The following RBFA variants were observed in gnomAD, a reference collection of about 807,000 sequenced individuals.
RBFA encodes the protein ribosome binding factor A.
RBFA carries 16 observed loss-of-function variants against 27.9 expected under a neutral mutation model. The observed-to-expected ratio is 0.57, with a 90% CI of 0.39 to 0.87. RBFA has a LOEUF of 0.87. Ranked by LOEUF, RBFA falls within the 40% of genes least tolerant of loss-of-function variation. The pLI, the probability that RBFA is intolerant of heterozygous loss-of-function variation, is 0.00. For missense variants in RBFA, 456 were observed against 432.1 expected (o/e 1.06, Z -0.49); for synonymous variants, 181 against 181.0 (o/e 1.00, Z 0.00).
At chr18:80,044,112 A>G in intron 5 of RBFA, 100 bp from the exon 6 acceptor site, 1 of 973,472 alleles carries the variant, frequency 1.0e-6, no homozygotes, top group Non-Finnish European at 1.7e-6. Flanking sequence ...AGTCTGATCA[A>G]AAGCTCTGCA....
chr18:80,042,160 C>T lies in RBFA; in HGVS notation c.517C>T (p.Leu173=). 1 of 1,611,192 alleles carries T rather than the reference C, an allele frequency of 6.2e-7. No individual in the cohort carries two copies. Among genetic ancestry groups the T allele is most frequent in the South Asian group, 1.1e-5 (1 of 90,842 alleles). ...GCACCTTTTGATGTCCCAGCAGACC[C>T]TGAGGAATGTGCCACCGATAGTGTT... ...MRHLLMSQQT[L]RNVPPIVFVQ... Residue 173 remains leucine, a synonymous_variant, in exon 5 of 7, where the codon CTG becomes TTG. Coordinates refer to ENST00000306735, the MANE Select transcript of RBFA (RefSeq NM_024805.3).
chr18:80,049,645 C>T lies in RBFA; in HGVS notation c.*3490C>T, dbSNP rs932371914. On this transcript the variant is annotated 3_prime_UTR_variant, in exon 7 of 7. Coordinates refer to ENST00000306735, the MANE Select transcript of RBFA (RefSeq NM_024805.3). ...TCAATGGTTCTCAAAGTTCCGGGCA[C>T]ATCCCCTGGGGGCTCATAAAACCAG... 3.3e-5 allele frequency among the ~76,000 whole-genome samples: 5 copies of T among 152,268 alleles called. No individual in the cohort carries two copies. Among genetic ancestry groups the T allele is most frequent in the African/African-American group, 7.2e-5 (3 of 41,480 alleles).
intron 3 of RBFA, among the ~76,000 whole-genome samples, chr18:80,037,810 A>T (rs912075579): frequency 1.3e-5 from 2 of 150,714 alleles, no homozygotes; most frequent in African/African-American, 4.9e-5. Flanking sequence ...AATCGCTTGA[A>T]CCCAGGAGGC....
chr18:80,049,644 A>G lies in RBFA; in HGVS notation c.*3489A>G, dbSNP rs1426075794. ...GTCAATGGTTCTCAAAGTTCCGGGC[A>G]CATCCCCTGGGGGCTCATAAAACCA... On this transcript the variant is annotated 3_prime_UTR_variant, in exon 7 of 7. Coordinates refer to ENST00000306735, the MANE Select transcript of RBFA (RefSeq NM_024805.3). Among the ~76,000 whole-genome samples the G allele has an allele frequency of 6.6e-6, 1 of 152,238 alleles. No individual in the cohort carries two copies. The highest frequency in any genetic ancestry group is 1.5e-5 in the Non-Finnish European group (1 of 68,036).
chr18:80,037,523 AAG>A lies in RBFA; in HGVS notation c.378+21_378+22del, dbSNP rs2051988748. The A allele has an allele frequency of 6.3e-7, 1 of 1,591,876 alleles. No homozygotes were observed. The highest frequency in any genetic ancestry group is 8.6e-7 in the Non-Finnish European group (1 of 1,163,288). The stretch of plus-strand genomic sequence containing the variant: ...CTCTCCAAGGTAGGCTGTGTGGCCA[AAG>A]AGAAGAAATGGGTTGAGACAGCAGG... On this transcript the variant is annotated intron_variant, in intron 3 of 6. Coordinates refer to ENST00000306735, the MANE Select transcript of RBFA (RefSeq NM_024805.3).
chr18:80,042,019 C>T (rs1001105098), intron 4 of RBFA, 116 bp from the exon 5 acceptor site: 6 of 605,964 alleles, frequency 9.9e-6, no homozygotes, highest in Non-Finnish European at 1.5e-5. Flanking sequence ...AGCCACCGCG[C>T]CCGGCCTCTC....
At chr18:80,044,027 A>G (rs1326185874) in intron 5 of RBFA, among the ~76,000 whole-genome samples, 185 bp from the exon 6 acceptor site, 1 of 152,252 alleles carries the variant, frequency 6.6e-6, no homozygotes, top group African/African-American at 2.4e-5. Flanking sequence ...TTAAAGTAAC[A>G]GTAAGGTATT....
chr18:80,045,138 G>A (rs1044810393), intron 6 of RBFA, among the ~76,000 whole-genome samples: 1 of 152,180 alleles, frequency 6.6e-6, no homozygotes, highest in Non-Finnish European at 1.5e-5. Context: ...GAAGGCGAAT[G>A]AGTGGCAGGT....
At chr18:80,045,428 T>C (rs2052044422) in intron 6 of RBFA, among the ~76,000 whole-genome samples, 2 of 152,116 alleles carry the variant, frequency 1.3e-5, no homozygotes, top group Admixed American at 1.3e-4. Context: ...GGTTTCACCA[T>C]GTTGGCCAGG....
intron 1 of RBFA, 148 bp downstream of exon 1, chr18:80,034,801 T>C: frequency 1.1e-6 from 1 of 906,138 alleles, no homozygotes; most frequent in South Asian, 1.8e-5. Flanking sequence ...GTTCTAGCTC[T>C]CACTGTCAGC....
chr18:80,044,134 T>C, intron 5 of RBFA, 78 bp from the exon 6 acceptor site: 1 of 1,156,976 alleles, frequency 8.6e-7, no homozygotes, highest in Non-Finnish European at 1.3e-6. Context: ...TCAACAATGC[T>C]GGTGTTACGT....
At chr18:80,037,969 T>C (rs571387321) in intron 3 of RBFA, among the ~76,000 whole-genome samples, 33 of 152,216 alleles carry the variant, frequency 2.2e-4, no homozygotes, top group African/African-American at 7.5e-4. Flanking sequence ...AGTCTGGTCA[T>C]TGGAGCCCTG....
At position 80,034,523 on chromosome 18, in the gene RBFA, C is replaced by T. The variant is rs752729658; in HGVS notation, c.28C>T (p.Arg10Cys). The change falls in exon 1 of 7, where the codon CGC becomes TGC. Residue 10 changes from arginine to cysteine, a missense_variant. Transcript: ENST00000306735. MWAAAGGLW[R>C]SRAGLRALFR... ...GTGGGCTGCGGCGGGCGGGCTGTGG[C>T]GCTCCCGCGCGGGTCTCCGGGCCCT... 1.3e-6 allele frequency: 2 copies of T among 1,585,678 alleles called. No homozygotes were observed. The highest frequency in any genetic ancestry group is 4.8e-5 in the East Asian group (2 of 41,254).
intron 4 of RBFA, among the ~76,000 whole-genome samples, chr18:80,039,341 T>A (rs1281859020): frequency 1.3e-5 from 2 of 152,158 alleles, no homozygotes; most frequent in Non-Finnish European, 2.9e-5. Flanking sequence ...AAAGAAAAAT[T>A]AAAAAATCCG....
At chr18:80,040,817 A>G (rs1318593982) in intron 4 of RBFA, among the ~76,000 whole-genome samples, 1 of 152,228 alleles carries the variant, frequency 6.6e-6, no homozygotes, top group Admixed American at 6.5e-5. Flanking sequence ...GATAGAACCC[A>G]CATAAACAAA....
rs563835914 is a variant in RBFA at position 80,041,080 on chromosome 18, C to T, written c.492-1055C>T. ...AGAAAAGGTGGCCGTGTGTGGGCTT[C>T]GTTCCAGGCACCCTGCCTGGCTTCC... On this transcript the variant is annotated intron_variant, in intron 4 of 6. Transcript: ENST00000306735. Among the ~76,000 whole-genome samples the T allele has an allele frequency of 2.0e-5, 3 of 152,320 alleles. No homozygotes were observed. In the South Asian group the frequency reaches 6.2e-4, roughly 32 times the overall value.
intron 1 of RBFA, 52 bp downstream of exon 1, chr18:80,034,705 G>GTCCCCGGGTTGCGGTA: frequency 1.3e-6 from 2 of 1,585,428 alleles, no homozygotes; most frequent in Middle Eastern, 1.7e-4. Context: ...AGGGGGCGGT[G>GTCCCCGGGTTGCGGTA]TCCCCGGGTT....
chr18:80,036,673 A>C lies in RBFA; in HGVS notation c.164A>C (p.Lys55Thr), dbSNP rs1212044283. 1 of 1,611,740 alleles carries C rather than the reference A, an allele frequency of 6.2e-7. No homozygotes were observed. Among genetic ancestry groups the C allele is most frequent in the Admixed American group, 1.7e-5 (1 of 59,922 alleles). The change falls in exon 2 of 7, where the codon AAG becomes ACG. Residue 55 changes from lysine to threonine, a missense_variant. Transcript: ENST00000306735. Reference protein sequence around the residue: ...LKKFASKTKKKVWYESPSLGS... With the variant: ...LKKFASKTKKTVWYESPSLGS... ...TGCTTATTTTCTCCCCAAAGAAAAA[A>C]GGTTTGGTATGAAAGTCCTTCCTTG...
In RBFA at chr18:80,049,491, A is replaced by G. The variant is rs540496042; in HGVS notation, c.*3336A>G. Among the ~76,000 whole-genome samples the G allele has an allele frequency of 6.6e-6, 1 of 152,378 alleles. No individual in the cohort carries two copies. Among genetic ancestry groups the G allele is most frequent in the Non-Finnish European group, 1.5e-5 (1 of 68,032 alleles). On this transcript the variant is annotated 3_prime_UTR_variant, in exon 7 of 7. Transcript: ENST00000306735. ...GAGGCACTGATCCAGTGAAGTCCTCAGATCAACCTTGTGAGCTTTTTACAA... is the reference window on the plus strand; with the variant it reads ...GAGGCACTGATCCAGTGAAGTCCTCGGATCAACCTTGTGAGCTTTTTACAA...
Sources: gnomAD v4.1 joint callset for allele counts (sites outside exome capture counted in the v4.1 genomes callset) on GRCh38, gnomAD v4.1.1 for gene constraint, MANE v1.5 for transcripts, NCBI Gene and HGNC (gene_info 2026-07-23, HGNC 2026-07-21) for gene names.